Variants in POLR1A observed in about 807,000 individuals in gnomAD.
POLR1A encodes the protein DNA-directed RNA polymerase I subunit RPA1.
Under a neutral mutation model 205.3 loss-of-function variants are expected in POLR1A, and 84 were observed. The ratio of observed to expected loss-of-function variants is 0.41; its 90% CI spans 0.34 to 0.49. The LOEUF (loss-of-function observed/expected upper bound fraction) is 0.49, where lower values mean the gene tolerates loss of function less well. Ranked by LOEUF, POLR1A falls within the 20% of genes least tolerant of loss-of-function variation. The probability of loss-of-function intolerance (pLI) is 0.22; values close to 1 mark genes in which losing one functional copy is unlikely to be tolerated. For missense variants in POLR1A, 1,645 were observed against 2,204.5 expected (o/e 0.75, Z 5.08); for synonymous variants, 799 against 863.7 (o/e 0.93, Z 1.31).
chr2:86,042,777 C>A (rs2278533), intron 23 of POLR1A, among the ~76,000 whole-genome samples, 197 bp downstream of exon 23: 1 of 152,198 alleles, frequency 6.6e-6, no homozygotes, highest in Non-Finnish European at 1.5e-5. Context: ...CCCAGTTAGT[C>A]CCCCCAAACC....
intron 6 of POLR1A, among the ~76,000 whole-genome samples, chr2:86,088,085 A>T (rs1673532678): frequency 6.6e-6 from 1 of 152,210 alleles, no homozygotes; most frequent in South Asian, 2.1e-4. Context: ...GAGCTTGGGT[A>T]GGGCAGAGCT....
intron 1 of POLR1A, among the ~76,000 whole-genome samples, 181 bp from the exon 2 acceptor site, chr2:86,100,353 TAATA>T (rs1165016675): frequency 6.6e-6 from 1 of 152,278 alleles, no homozygotes; most frequent in East Asian, 1.9e-4. Context: ...ACCCAATAGT[TAATA>T]AATACATATG....
intron 16 of POLR1A, among the ~76,000 whole-genome samples, chr2:86,051,463 C>CCAGCTGCAG (rs1672801855): frequency 6.6e-6 from 1 of 152,130 alleles, no homozygotes; most frequent in South Asian, 2.1e-4. Context: ...TGAACAAACT[C>CCAGCTGCAG]CAGCTGCAGC....
At chr2:86,080,300 G>A (rs139959696) in intron 9 of POLR1A, among the ~76,000 whole-genome samples, 1 of 152,272 alleles carries the variant, frequency 6.6e-6, no homozygotes, top group Non-Finnish European at 1.5e-5. Flanking sequence ...GGAAATGTTA[G>A]TTGAAACTGT....
intron 15 of POLR1A, among the ~76,000 whole-genome samples, chr2:86,053,774 G>A (rs146969509): frequency 6.6e-6 from 1 of 152,278 alleles, no homozygotes; most frequent in African/African-American, 2.4e-5. Context: ...TCCTTTTGTG[G>A]CCTGGTTCCT....
chr2:86,036,100 A>G (rs891571608), intron 27 of POLR1A, among the ~76,000 whole-genome samples: 1 of 152,204 alleles, frequency 6.6e-6, no homozygotes, highest in Non-Finnish European at 1.5e-5. Context: ...CTCCCGTCCC[A>G]CGTAAATAAT....
At chr2:86,053,739 G>A (rs937081146) in intron 15 of POLR1A, among the ~76,000 whole-genome samples, 8 of 152,174 alleles carry the variant, frequency 5.3e-5, no homozygotes, top group Non-Finnish European at 1.2e-4. Context: ...CTTCAGTGTG[G>A]ACAGCTCTCT....
rs200206334 is a variant in POLR1A, at chr2:86,042,066, C to A, written c.3395G>T (p.Arg1132Leu). 1.2e-5 allele frequency: 19 copies of A among 1,613,016 alleles called. No individual in the cohort carries two copies. The highest frequency in any genetic ancestry group is 1.4e-5 in the Non-Finnish European group (16 of 1,179,988). Reference sequence around the variant, plus strand: ...GGCCGCCTTCTTCTGGTATTTCCTTCGGCTTTCCTCATCCAACTCATACCA... The same window carrying A: ...GGCCGCCTTCTTCTGGTATTTCCTTAGGCTTTCCTCATCCAACTCATACCA... ...RMWYELDEES[R>L]RKYQKKAAAC... The change falls in exon 24 of 34, where the codon CGA (arginine) becomes CTA (leucine). Residue 1132 changes from arginine to leucine, a missense_variant. Around this residue, in one of 16 missense-constraint regions of POLR1A, gnomAD observed 201 missense variants for 222.3 expected, o/e 0.90. Coordinates refer to ENST00000263857, the MANE Select transcript of POLR1A (RefSeq NM_015425.6).
rs767253983 is a variant in POLR1A, at chr2:86,031,448, G to A, written c.4460C>T (p.Thr1487Ile). ...PALLTQPRKP[T>I]HSQEPQGPEA... ...GGGCCCCTGGGGCTCCTGGCTGTGG[G>A]TGGGTTTCCGGGGCTGCGTCAGGAG... The change falls in exon 30 of 34, where the codon ACC becomes ATC. Residue 1487 changes from threonine (T) to isoleucine (I), a missense_variant. By Grantham distance (89) the Thr-to-Ile change is moderately conservative. This residue lies in a region of POLR1A where 394 missense variants were observed against 468.5 expected (regional missense o/e 0.84). Transcript: ENST00000263857. 1.9e-6 allele frequency: 3 copies of A among 1,614,072 alleles called. No individual in the cohort carries two copies. Among genetic ancestry groups the A allele is most frequent in the South Asian group, 1.1e-5 (1 of 91,086 alleles).
chr2:86,043,258 C>T (rs551031370), intron 22 of POLR1A, 63 bp from the exon 23 acceptor site: 12 of 1,403,446 alleles, frequency 8.6e-6, no homozygotes, highest in Admixed American at 5.1e-5. Context: ...GAGATGAGGG[C>T]GTGACAAGAG....
chr2:86,040,551 G>T lies in POLR1A; in HGVS notation c.3581C>A (p.Thr1194Asn). ...GCGCTGCCACTTCAGCTGCAGCAAG[G>T]TCCTCAACCTAGAGACGGTGGTGGG... ...KSELSLDRLRTLLQLKWQRSL... is the reference protein window; with the variant it reads ...KSELSLDRLRNLLQLKWQRSL... Residue 1194 changes from threonine (T) to asparagine (N), a missense_variant, in exon 25 of 34, where the codon ACC becomes AAC. Thr to Asn is a moderately conservative substitution (Grantham distance 65). Around this residue, in one of 16 missense-constraint regions of POLR1A, gnomAD observed 201 missense variants for 222.3 expected, o/e 0.90. Coordinates refer to ENST00000263857, the MANE Select transcript of POLR1A (RefSeq NM_015425.6). 6.3e-7 allele frequency: 1 copy of T among 1,577,820 alleles called. No individual in the cohort carries two copies.
rs1209816649 is a variant in POLR1A, at chr2:86,021,498, C to G, written c.*5925G>C. On this transcript the variant is annotated 3_prime_UTR_variant, in exon 34 of 34. Coordinates refer to ENST00000263857, the MANE Select transcript of POLR1A (RefSeq NM_015425.6). The stretch of plus-strand genomic sequence containing the variant: ...GGCTGTTGAACACCCAAGTACCTCC[C>G]CACTGTCCTCTCCACTCTGTCCTTC... 1 of 152,414 alleles carries G rather than the reference C, an allele frequency of 6.6e-6. No homozygotes were observed. Among genetic ancestry groups the G allele is most frequent in the Non-Finnish European group, 1.5e-5 (1 of 68,208 alleles). The allele number at this position is 152,414 out of a possible 1,614,324, so 9.4% of individuals were successfully genotyped here. A position where few individuals can be genotyped will look rare whatever the true frequency, so the allele number is the denominator to read the frequency against.
chr2:86,048,151 G>A (rs937508864), intron 18 of POLR1A, among the ~76,000 whole-genome samples: 1 of 152,200 alleles, frequency 6.6e-6, no homozygotes, highest in Non-Finnish European at 1.5e-5. Flanking sequence ...CTTTTGATGA[G>A]TGTTGGCATT....
At chr2:86,034,695 G>A (rs755658710) in intron 27 of POLR1A, among the ~76,000 whole-genome samples, 3 of 152,118 alleles carry the variant, frequency 2.0e-5, no homozygotes, top group African/African-American at 7.2e-5. Flanking sequence ...TTCTCTGAGC[G>A]CCTATACTGT....
chr2:86,079,235 G>A (rs1279501447), intron 9 of POLR1A, among the ~76,000 whole-genome samples: 1 of 152,158 alleles, frequency 6.6e-6, no homozygotes, highest in Non-Finnish European at 1.5e-5. Context: ...AAACACTCAG[G>A]GTCCCCTTCT....
chr2:86,092,878 T>C (rs1673634062), intron 3 of POLR1A, among the ~76,000 whole-genome samples: 1 of 151,864 alleles, frequency 6.6e-6, no homozygotes, highest in Admixed American at 6.6e-5. Flanking sequence ...ATAATCTAGA[T>C]ACCAAAACCC....
At chr2:86,097,739 G>C (rs1673732707) in intron 3 of POLR1A, among the ~76,000 whole-genome samples, 1 of 152,128 alleles carries the variant, frequency 6.6e-6, no homozygotes, top group African/African-American at 2.4e-5. Flanking sequence ...AGGCTGAGTA[G>C]GGTAGGGAAA....
intron 3 of POLR1A, among the ~76,000 whole-genome samples, chr2:86,091,852 A>G (rs1194058076): frequency 1.3e-5 from 2 of 152,238 alleles, no homozygotes; most frequent in East Asian, 3.9e-4. Flanking sequence ...GGTGGCTCAC[A>G]CCTGTAATCC....
intron 16 of POLR1A, among the ~76,000 whole-genome samples, chr2:86,049,706 G>A (rs1388489466): frequency 6.6e-6 from 1 of 152,162 alleles, no homozygotes; most frequent in Non-Finnish European, 1.5e-5. Context: ...ACCCTATATA[G>A]CTGAGTATAC....
Sources: gnomAD v4.1 joint callset for allele counts (sites outside exome capture counted in the v4.1 genomes callset) on GRCh38, gnomAD v4.1.1 for gene constraint, gnomAD v4.1.1 regional missense constraint, MANE v1.5 for transcripts, NCBI Gene and HGNC (gene_info 2026-07-23, HGNC 2026-07-21) for gene names.